Variants in EVI5 observed in about 807,000 individuals in gnomAD.
The protein encoded by EVI5 is ecotropic viral integration site 5, also known as ecotropic viral integration site 5 protein homolog.
Under a neutral mutation model 112.0 loss-of-function variants are expected in EVI5, and 73 were observed. The observed-to-expected ratio is 0.65, with a 90% CI of 0.54 to 0.79. The LOEUF (loss-of-function observed/expected upper bound fraction) is 0.79, where lower values mean the gene tolerates loss of function less well. Ranked by LOEUF, EVI5 falls within the 30% of genes least tolerant of loss-of-function variation. EVI5 has a pLI of 0.00. For synonymous variants in EVI5, 305 were observed against 319.9 expected, an observed-to-expected ratio of 0.95 and a Z score of 0.50; for missense variants, 900 against 968.8, an observed-to-expected ratio of 0.93 and a Z score of 0.94.
chr1:92,601,823 G>A (rs1426203273), intron 18 of EVI5, among the ~76,000 whole-genome samples: 5 of 152,058 alleles, frequency 3.3e-5, no homozygotes, highest in Admixed American at 1.3e-4. Context: ...CAGGTTCTTC[G>A]TTTTAATAAA....
In EVI5 at chr1:92,753,300, G is replaced by C. The variant is rs188719052; in HGVS notation, c.-81-16673C>G. On this transcript the variant is annotated intron_variant, in intron 1 of 19. Transcript: ENST00000684568. ...AGCCCAGGAGTTCAAGACTAGCCTA[G>C]GCTACACAGTGAGACTTCATCTCAA... 1.6e-3 allele frequency among the ~76,000 whole-genome samples: 251 copies of C among 152,300 alleles called. 1 individual carries two copies. Among genetic ancestry groups the C allele is most frequent in the African/African-American group, 5.4e-3 (223 of 41,568 alleles).
At chr1:92,603,546 A>T (rs1649646151) in intron 18 of EVI5, among the ~76,000 whole-genome samples, 2 of 152,042 alleles carry the variant, frequency 1.3e-5, no homozygotes, top group South Asian at 2.1e-4. Flanking sequence ...ATACTATAAC[A>T]TTATAAAAAA....
chr1:92,690,169 C>T (rs933098410), intron 9 of EVI5, among the ~76,000 whole-genome samples: 2 of 151,768 alleles, frequency 1.3e-5, no homozygotes, highest in Non-Finnish European at 1.5e-5. Context: ...TGAGCCACCA[C>T]GCCTGGCTGA....
intron 2 of EVI5, among the ~76,000 whole-genome samples, chr1:92,734,611 T>C (rs746324293): frequency 6.6e-6 from 1 of 152,192 alleles, no homozygotes; most frequent in Non-Finnish European, 1.5e-5. Flanking sequence ...ATTCTAATTG[T>C]CATGGACATG....
intron 18 of EVI5, among the ~76,000 whole-genome samples, chr1:92,586,717 C>A (rs145357713): frequency 6.0e-4 from 90 of 149,154 alleles, no homozygotes; most frequent in Non-Finnish European, 9.0e-4. Flanking sequence ...TGTCCCCGTC[C>A]TAGAATCAGC....
chr1:92,540,245 C>A (rs1327255158), intron 19 of EVI5, among the ~76,000 whole-genome samples: 1 of 152,164 alleles, frequency 6.6e-6, no homozygotes, highest in Non-Finnish European at 1.5e-5. Flanking sequence ...CTATGTTTAC[C>A]ATTTGAGGAC....
At chr1:92,643,983 A>G (rs1246821110) in intron 13 of EVI5, among the ~76,000 whole-genome samples, 2 of 152,230 alleles carry the variant, frequency 1.3e-5, no homozygotes, top group Non-Finnish European at 2.9e-5. Context: ...GAAAGTCACC[A>G]TTCTGGAAAC....
rs535160660 is a variant in EVI5, at chr1:92,739,389, G to T, written c.-81-2762C>A. 4.7e-5 allele frequency among the ~76,000 whole-genome samples: 7 copies of T among 149,914 alleles called. No homozygotes were observed. The South Asian group carries it at 1.3e-3, about 27-fold the overall frequency. On this transcript the variant is annotated intron_variant, in intron 1 of 19. Coordinates refer to ENST00000684568, the MANE Select transcript of EVI5 (RefSeq NM_001350197.2). ...ATTGTATGATTCCATTTACATAAAA[G>T]TTCCAAACAGGCAAATCCAGAAGTA...
chr1:92,696,151 C>A (rs1670286749), intron 6 of EVI5, among the ~76,000 whole-genome samples: 1 of 152,002 alleles, frequency 6.6e-6, no homozygotes, highest in African/African-American at 2.4e-5. Context: ...AGGCTGGTCT[C>A]AAACTCCTGG....
At chr1:92,618,679 G>A (rs1653791885) in intron 16 of EVI5, among the ~76,000 whole-genome samples, 1 of 152,228 alleles carries the variant, frequency 6.6e-6, no homozygotes, top group African/African-American at 2.4e-5. Flanking sequence ...ATGACCTGCT[G>A]AGGTGCTTGC....
chr1:92,748,611 T>G (rs1380072269), intron 1 of EVI5, among the ~76,000 whole-genome samples: 1 of 152,156 alleles, frequency 6.6e-6, no homozygotes, highest in Non-Finnish European at 1.5e-5. Context: ...TAACAGTGCT[T>G]GAAATAAAAC....
intron 10 of EVI5, among the ~76,000 whole-genome samples, chr1:92,666,867 C>A (rs953803934): frequency 6.6e-6 from 1 of 152,068 alleles, no homozygotes; most frequent in Admixed American, 6.5e-5. Flanking sequence ...GTTTTAACAT[C>A]CTCATTAGAC....
intron 18 of EVI5, among the ~76,000 whole-genome samples, chr1:92,593,560 T>C (rs1674379172): frequency 6.6e-6 from 1 of 152,114 alleles, no homozygotes; most frequent in Non-Finnish European, 1.5e-5. Context: ...GTGTTGGAAA[T>C]TCTGGCCAGG....
intron 19 of EVI5, among the ~76,000 whole-genome samples, chr1:92,548,491 G>A (rs1232260969): frequency 1.3e-5 from 2 of 152,224 alleles, no homozygotes; most frequent in East Asian, 1.9e-4. Flanking sequence ...GGAAGTTCTG[G>A]CCAGGGCAAT....
At chr1:92,789,076 A>G (rs1280431471), upstream of EVI5, among the ~76,000 whole-genome samples, 1 of 152,198 alleles carries the variant, frequency 6.6e-6, no homozygotes, top group Non-Finnish European at 1.5e-5. Context: ...GTTGAATGCC[A>G]GAAGTGGTTA....
chr1:92,589,615 G>A (rs1295289866), intron 18 of EVI5, among the ~76,000 whole-genome samples: 6 of 152,198 alleles, frequency 3.9e-5, no homozygotes, highest in East Asian at 1.9e-4. Context: ...CAACACAGCC[G>A]AGAAGCTCCA....
chr1:92,741,692 T>C (rs1407571174), intron 1 of EVI5, among the ~76,000 whole-genome samples: 1 of 152,208 alleles, frequency 6.6e-6, no homozygotes, highest in Non-Finnish European at 1.5e-5. Context: ...CAGTATTTTA[T>C]TTTTTAGGAC....
intron 19 of EVI5, among the ~76,000 whole-genome samples, chr1:92,540,822 C>T (rs1173441976): frequency 6.6e-6 from 1 of 152,112 alleles, no homozygotes; most frequent in Non-Finnish European, 1.5e-5. Context: ...GTCTGTAATC[C>T]CAGCACTTTG....
intron 18 of EVI5, among the ~76,000 whole-genome samples, chr1:92,582,005 C>G (rs1367919823): frequency 6.6e-6 from 1 of 152,162 alleles, no homozygotes; most frequent in African/African-American, 2.4e-5. Context: ...GGGATACATT[C>G]TGAGAAATGT....
Sources: gnomAD v4.1 joint callset for allele counts (sites outside exome capture counted in the v4.1 genomes callset) on GRCh38, gnomAD v4.1.1 for gene constraint, MANE v1.5 for transcripts, NCBI Gene and HGNC (gene_info 2026-07-23, HGNC 2026-07-21) for gene names.